RXFP1: variants seen among roughly 807,000 people sequenced by gnomAD.
RXFP1 encodes relaxin family peptide receptor 1, also known as relaxin receptor 1.
RXFP1 carries 73 observed loss-of-function variants against 89.8 expected under a neutral mutation model. The ratio of observed to expected loss-of-function variants is 0.81; its 90% CI spans 0.67 to 0.99. RXFP1 has a LOEUF of 0.99. Among genes scored for constraint, RXFP1 ranks in the 50% least tolerant of loss-of-function variants. The pLI, the probability that RXFP1 is intolerant of heterozygous loss-of-function variation, is 0.00. For missense variants in RXFP1, 793 were observed against 895.5 expected (o/e 0.89, Z 1.46); for synonymous variants, 277 against 305.5 (o/e 0.91, Z 0.97).
chr4:158,570,873 C>T lies in RXFP1; in HGVS notation c.50-1825C>T, dbSNP rs149441269. 1.9e-4 allele frequency among the ~76,000 whole-genome samples: 29 copies of T among 152,288 alleles called. 1 individual carries two copies. The East Asian group carries it at 4.4e-3, about 23-fold the overall frequency. ...TCAGCTCATGTCACTTGTCCCTGCT[C>T]ACTGGGCTCCATCACCACAACCCTC... On this transcript the variant is annotated intron_variant, in intron 1 of 17. Transcript: ENST00000307765.
chr4:158,543,683 T>C (rs1747427442), intron 1 of RXFP1: 1 of 778,476 alleles, frequency 1.3e-6, no homozygotes, highest in Non-Finnish European at 1.6e-6. Context: ...TTCATATTTC[T>C]TCTCAGTTTT....
chr4:158,523,117 G>C (rs1283626881), intron 1 of RXFP1, among the ~76,000 whole-genome samples: 2 of 152,078 alleles, frequency 1.3e-5, no homozygotes, highest in Non-Finnish European at 2.9e-5. Flanking sequence ...CTCTAATCTT[G>C]ATTACTGACA....
At chr4:158,621,566 T>A (rs1186701804) in intron 9 of RXFP1, among the ~76,000 whole-genome samples, 1 of 152,182 alleles carries the variant, frequency 6.6e-6, no homozygotes, top group African/African-American at 2.4e-5. Context: ...AAGAAATAAA[T>A]TTTTTAAAAC....
intron 1 of RXFP1, among the ~76,000 whole-genome samples, chr4:158,553,804 A>T (rs1473231286): frequency 2.6e-5 from 4 of 152,108 alleles, no homozygotes; most frequent in African/African-American, 9.7e-5. Flanking sequence ...CCAGAGAGAG[A>T]CTTTACTTCT....
chr4:158,631,790 G>A (rs900125452), intron 11 of RXFP1, among the ~76,000 whole-genome samples: 1 of 152,112 alleles, frequency 6.6e-6, no homozygotes, highest in Non-Finnish European at 1.5e-5. Context: ...CAAGACATTT[G>A]AATATTTAAA....
At chr4:158,635,058 C>CA (rs111598298) in intron 12 of RXFP1, among the ~76,000 whole-genome samples, 71 of 143,924 alleles carry the variant, frequency 4.9e-4, no homozygotes, top group Middle Eastern at 3.4e-3. Flanking sequence ...CATATTTCTG[C>CA]AAAAAAAAAA....
intron 1 of RXFP1, among the ~76,000 whole-genome samples, chr4:158,555,096 G>A (rs965573909): frequency 6.6e-6 from 1 of 152,084 alleles, no homozygotes; most frequent in Non-Finnish European, 1.5e-5. Context: ...TCAGAGCAAT[G>A]ATATTAAAAT....
intron 2 of RXFP1, among the ~76,000 whole-genome samples, chr4:158,582,366 C>G (rs1757536238): frequency 6.6e-6 from 1 of 152,122 alleles, no homozygotes; most frequent in South Asian, 2.1e-4. Flanking sequence ...CAGTTGAGCT[C>G]AGCAGTCTCT....
intron 2 of RXFP1, among the ~76,000 whole-genome samples, chr4:158,584,434 C>CA (rs1304841421): frequency 0.015 from 1,627 of 105,788 alleles, 22 homozygotes; most frequent in African/African-American, 0.048. Context: ...ACTCTGTCTC[C>CA]AAAAAAAAAA....
chr4:158,528,561 T>A (rs1423384453), intron 1 of RXFP1, among the ~76,000 whole-genome samples: 1 of 152,128 alleles, frequency 6.6e-6, no homozygotes, highest in African/African-American at 2.4e-5. Flanking sequence ...TCTTCACTAT[T>A]AATATCTCCT....
chr4:158,606,968 A>C, intron 5 of RXFP1: 1 of 1,026,508 alleles, frequency 9.7e-7, no homozygotes, highest in East Asian at 2.6e-5. Context: ...CAAAATTTAT[A>C]ATTTAACTGA....
intron 1 of RXFP1, among the ~76,000 whole-genome samples, chr4:158,539,224 C>T (rs1013797226): frequency 4.6e-5 from 7 of 152,058 alleles, no homozygotes; most frequent in South Asian, 4.2e-4. Flanking sequence ...AGCAAACTAT[C>T]GCAAGGACAA....
At chr4:158,630,292 T>C (rs545645971) in intron 11 of RXFP1, among the ~76,000 whole-genome samples, 2 of 152,116 alleles carry the variant, frequency 1.3e-5, no homozygotes, top group African/African-American at 4.8e-5. Flanking sequence ...CAAAAACAAA[T>C]AGACCCAACC....
At chr4:158,563,525 CA>C (rs1752915385) in intron 1 of RXFP1, among the ~76,000 whole-genome samples, 1 of 151,642 alleles carries the variant, frequency 6.6e-6, no homozygotes, top group Non-Finnish European at 1.5e-5. Flanking sequence ...CACACACACA[CA>C]CACACACACA....
At chr4:158,561,488 AT>A (rs1274631442) in intron 1 of RXFP1, among the ~76,000 whole-genome samples, 1 of 152,156 alleles carries the variant, frequency 6.6e-6, no homozygotes, top group Non-Finnish European at 1.5e-5. Flanking sequence ...TTGTGTTTAG[AT>A]TTGGATTTCA....
chr4:158,609,570 C>T (rs942482371), intron 6 of RXFP1, among the ~76,000 whole-genome samples: 26 of 152,164 alleles, frequency 1.7e-4, no homozygotes, highest in Non-Finnish European at 1.0e-4. Context: ...TGTATCCTAA[C>T]GCAAGAAACC....
At chr4:158,594,942 C>G (rs1760243934) in intron 3 of RXFP1, among the ~76,000 whole-genome samples, 2 of 152,012 alleles carry the variant, frequency 1.3e-5, no homozygotes, top group Non-Finnish European at 2.9e-5. Flanking sequence ...ATTTTAATAA[C>G]AAATGCTTAG....
rs955363021 is a variant in RXFP1, at chr4:158,575,155, A to G, written c.187+2320A>G. On this transcript the variant is annotated intron_variant, in intron 2 of 17. Coordinates refer to ENST00000307765, the MANE Select transcript of RXFP1 (RefSeq NM_021634.4). The stretch of plus-strand genomic sequence containing the variant: ...CTTGGGAACTCTAGCTTTAGTGCTA[A>G]GTTTAAAGAGGCCAAGTAGCAAAAG... Among the ~76,000 whole-genome samples, 3 of 152,184 alleles carry G rather than the reference A, an allele frequency of 2.0e-5. 1 individual carries two copies. Among genetic ancestry groups the G allele is most frequent in the Non-Finnish European group, 4.4e-5 (3 of 68,048 alleles).
At position 158,593,396 on chromosome 4, in the gene RXFP1, T is replaced by C. The variant is rs780637069; in HGVS notation, c.188-5T>C. On this transcript the variant is annotated splice_region_variant and splice_polypyrimidine_tract_variant and intron_variant, in intron 2 of 17. Transcript: ENST00000307765. ...AACTTTTTTGTTCTCTGATTTTTAT[T>C]TTAGGAGACAACAATGGATGGTCTC... 6.3e-7 allele frequency: 1 copy of C among 1,593,144 alleles called. No individual in the cohort carries two copies. Among genetic ancestry groups the C allele is most frequent in the East Asian group, 2.2e-5 (1 of 44,650 alleles).
Sources: allele counts gnomAD v4.1 joint callset (sites outside exome capture counted in the v4.1 genomes callset), GRCh38; gene constraint gnomAD v4.1.1; transcripts MANE v1.5; gene names NCBI Gene and HGNC (gene_info 2026-07-23, HGNC 2026-07-21).